XRRA1: variants seen among roughly 807,000 people sequenced by gnomAD.
XRRA1 encodes the protein X-ray radiation resistance associated 1, also known as X-ray radiation resistance-associated protein 1.
In XRRA1, 69 loss-of-function variants were observed where a neutral mutation model predicts 80.2. That is an observed-to-expected ratio of 0.86 (90% CI 0.71 to 1.05). XRRA1 has a LOEUF of 1.05. Among genes scored for constraint, XRRA1 ranks in the 50% least tolerant of loss-of-function variants. The pLI, the probability that XRRA1 is intolerant of heterozygous loss-of-function variation, is 0.00. For missense variants in XRRA1, 967 were observed against 976.4 expected, an observed-to-expected ratio of 0.99 and a Z score of 0.13; for synonymous variants, 348 against 389.9, an observed-to-expected ratio of 0.89 and a Z score of 1.27.
intron 10 of XRRA1, among the ~76,000 whole-genome samples, chr11:74,865,281 CCT>C: frequency 6.6e-6 from 1 of 152,164 alleles, no homozygotes; most frequent in East Asian, 1.9e-4. Context: ...CACAGCAGAT[CCT>C]GTGTGGGCCC....
chr11:74,942,513 C>T (rs529758395), intron 2 of XRRA1, among the ~76,000 whole-genome samples: 10 of 152,300 alleles, frequency 6.6e-5, no homozygotes, highest in African/African-American at 1.7e-4. Context: ...CTGAGGAACA[C>T]GTAGGGGGAC....
At chr11:74,845,691 T>G (rs752109384) in intron 15 of XRRA1, among the ~76,000 whole-genome samples, 12 of 152,226 alleles carry the variant, frequency 7.9e-5, no homozygotes, top group Non-Finnish European at 1.0e-4. Flanking sequence ...AACTAAAGAT[T>G]GGTACAGTTA....
intron 10 of XRRA1, among the ~76,000 whole-genome samples, chr11:74,903,634 C>T (rs2053997589): frequency 6.6e-6 from 1 of 152,154 alleles, no homozygotes; most frequent in Non-Finnish European, 1.5e-5. Flanking sequence ...ACCCAGGAGG[C>T]AGAGCTTGCA....
At chr11:74,889,784 A>G (rs916299855) in intron 10 of XRRA1, among the ~76,000 whole-genome samples, 10 of 152,356 alleles carry the variant, frequency 6.6e-5, no homozygotes, top group African/African-American at 2.4e-4. Flanking sequence ...CTTTAAACCA[A>G]CAAAGATCAA....
rs1224803724 is a variant in XRRA1, at chr11:74,841,607, T to C, written c.*1593A>G. 1 of 152,210 alleles carries C rather than the reference T, an allele frequency of 6.6e-6. No homozygotes were observed. The highest frequency in any genetic ancestry group is 1.5e-5 in the Non-Finnish European group (1 of 68,040). 9.4% of individuals were successfully genotyped at this position (152,210 alleles called of 1,614,324 possible). A position where few individuals can be genotyped will look rare whatever the true frequency, so the allele number is the denominator to read the frequency against. On this transcript the variant is annotated 3_prime_UTR_variant, in exon 19 of 19. Coordinates refer to ENST00000684022, the MANE Select transcript of XRRA1 (RefSeq NM_001378157.1). ...TGCCTTTTAAGTAAGGTGGCAACTT[T>C]TAACTGTCATCTTGTGAGAGGCAAC...
chr11:74,861,456 G>A (rs542587975), intron 11 of XRRA1, among the ~76,000 whole-genome samples: 4 of 152,258 alleles, frequency 2.6e-5, no homozygotes, highest in South Asian at 2.1e-4. Context: ...TTGTGTGCTC[G>A]TTATGAGAAT....
rs139181093 is a variant in XRRA1, at chr11:74,930,507, G to A, written c.352-135C>T. 3 of 668,066 alleles carry A rather than the reference G, an allele frequency of 4.5e-6. No homozygotes were observed. In the African/African-American group the frequency reaches 5.5e-5, roughly 12 times the overall value. 41.4% of individuals were successfully genotyped at this position (668,066 alleles called of 1,614,324 possible). The stretch of plus-strand genomic sequence containing the variant: ...AATAAGGGACATCCCTAGCACAGGA[G>A]CAGACACTTGAGTGCTGTAAGGGTT... On this transcript the variant is annotated intron_variant, in intron 5 of 18. Transcript: ENST00000684022.
At chr11:74,895,502 G>C (rs552870525) in intron 10 of XRRA1, among the ~76,000 whole-genome samples, 1 of 152,310 alleles carries the variant, frequency 6.6e-6, no homozygotes, top group Non-Finnish European at 1.5e-5. Flanking sequence ...TAGGACACAA[G>C]AGCTGTAATT....
At chr11:74,893,840 C>T (rs1342370038) in intron 10 of XRRA1, among the ~76,000 whole-genome samples, 2 of 152,172 alleles carry the variant, frequency 1.3e-5, no homozygotes, top group Admixed American at 6.6e-5. Flanking sequence ...AGTTTTGCAA[C>T]TTCTGAAAGA....
At chr11:74,948,347 AC>A (rs11363048) in intron 1 of XRRA1, among the ~76,000 whole-genome samples, 2,914 of 149,352 alleles carry the variant, frequency 0.02, 146 homozygotes, top group African/African-American at 0.071. Context: ...TAATTAAAAT[AC>A]AACGTAATAG....
intron 10 of XRRA1, among the ~76,000 whole-genome samples, chr11:74,891,612 T>C (rs2050720658): frequency 6.6e-6 from 1 of 152,206 alleles, no homozygotes; most frequent in Non-Finnish European, 1.5e-5. Flanking sequence ...GGAAGTCAAA[T>C]TGTCCCTGTT....
At chr11:74,882,459 C>T (rs1389530434) in intron 10 of XRRA1, among the ~76,000 whole-genome samples, 1 of 151,982 alleles carries the variant, frequency 6.6e-6, no homozygotes. Context: ...GTTTGAATGT[C>T]CTCCCGTAGC....
chr11:74,873,191 A>C (rs1165018194), intron 10 of XRRA1, among the ~76,000 whole-genome samples: 1 of 152,184 alleles, frequency 6.6e-6, no homozygotes, highest in Non-Finnish European at 1.5e-5. Flanking sequence ...CCTAAAGCCA[A>C]GGCTAGGAAG....
intron 10 of XRRA1, among the ~76,000 whole-genome samples, chr11:74,884,347 T>C (rs1039089929): frequency 6.6e-6 from 1 of 152,110 alleles, no homozygotes; most frequent in Non-Finnish European, 1.5e-5. Flanking sequence ...TGTTACCACA[T>C]GTACAGTAAA....
rs528350012 is a variant in XRRA1 at position 74,851,826 on chromosome 11, C to T, written c.1264+163G>A. On this transcript the variant is annotated intron_variant, in intron 13 of 18. Transcript: ENST00000684022. ...TGCTCACAGGGTTACTGTCAGGAAG[C>T]GCTGGTACAGAGCTATTTCCTCCAT... Among the ~76,000 whole-genome samples, 39 of 152,250 alleles carry T rather than the reference C, an allele frequency of 2.6e-4. No homozygotes were observed. In the South Asian group the frequency reaches 7.7e-3, roughly 30 times the overall value.
intron 8 of XRRA1, 56 bp from the exon 9 acceptor site, chr11:74,907,329 TC>T: frequency 6.2e-7 from 1 of 1,602,878 alleles, no homozygotes; most frequent in Non-Finnish European, 8.5e-7. Flanking sequence ...ATTCCACCAT[TC>T]CCAGGAAGCC....
At chr11:74,933,709 G>T in intron 5 of XRRA1, 92 bp downstream of exon 5, 1 of 1,155,776 alleles carries the variant, frequency 8.7e-7, no homozygotes, top group Non-Finnish European at 1.3e-6. Flanking sequence ...AGTCCCTAGG[G>T]ACTCTGGAGG....
intron 1 of XRRA1, among the ~76,000 whole-genome samples, chr11:74,946,366 T>C (rs1214445406): frequency 2.0e-5 from 3 of 152,182 alleles, no homozygotes; most frequent in African/African-American, 4.8e-5. Flanking sequence ...TAGGAAGTGA[T>C]TGGATCAAGG....
chr11:74,949,020 G>C lies in XRRA1; in HGVS notation c.-165C>G, dbSNP rs1948234006. The C allele has an allele frequency of 3.0e-6, 1 of 334,182 alleles. No individual in the cohort carries two copies. Among genetic ancestry groups the C allele is most frequent in the Non-Finnish European group, 5.6e-6 (1 of 178,502 alleles). 20.7% of individuals were successfully genotyped at this position (334,182 alleles called of 1,614,324 possible). A position where few individuals can be genotyped will look rare whatever the true frequency, so the allele number is the denominator to read the frequency against. On this transcript the variant is annotated 5_prime_UTR_variant, in exon 1 of 19. Transcript: ENST00000684022. ...CGCCTGCGAGCCCCCCGGGGATCTC[G>C]GAGCCGCTCCACTGCGGTGCCTGCC...
Sources: allele counts gnomAD v4.1 joint callset (sites outside exome capture counted in the v4.1 genomes callset), GRCh38; gene constraint gnomAD v4.1.1; transcripts MANE v1.5; gene names NCBI Gene and HGNC (gene_info 2026-07-23, HGNC 2026-07-21).